The following SIMC1 variants were observed in gnomAD, a reference collection of about 807,000 sequenced individuals.
The protein encoded by SIMC1 is SUMO interacting motifs containing 1.
SIMC1 carries 55 observed loss-of-function variants against 82.3 expected under a neutral mutation model. The ratio of observed to expected loss-of-function variants is 0.67; its 90% CI spans 0.54 to 0.84. The LOEUF is 0.84. Among genes scored for constraint, SIMC1 ranks in the 40% least tolerant of loss-of-function variants. The pLI, the probability that SIMC1 is intolerant of heterozygous loss-of-function variation, is 0.00. For missense variants in SIMC1, 915 were observed against 1,107.2 expected (o/e 0.83, Z 2.46); for synonymous variants, 353 against 426.3 (o/e 0.83, Z 2.12).
chr5:176,309,907 C>T (rs969482153), intron 4 of SIMC1, among the ~76,000 whole-genome samples: 1 of 152,108 alleles, frequency 6.6e-6, no homozygotes, highest in African/African-American at 2.4e-5. Context: ...CACACTCCAA[C>T]CTGTGTAACA....
chr5:176,314,595 A>G (rs535589717), intron 5 of SIMC1, among the ~76,000 whole-genome samples: 48 of 152,346 alleles, frequency 3.2e-4, no homozygotes, highest in African/African-American at 1.1e-3. Flanking sequence ...AGTAAGGTAC[A>G]TTAGATAGTA....
intron 5 of SIMC1, among the ~76,000 whole-genome samples, chr5:176,318,472 G>A (rs1765011530): frequency 6.6e-6 from 1 of 152,092 alleles, no homozygotes; most frequent in African/African-American, 2.4e-5. Flanking sequence ...AGAATGTTTT[G>A]ATCTCCTTCA....
intron 1 of SIMC1, among the ~76,000 whole-genome samples, chr5:176,288,158 A>G (rs1433307174): frequency 2.6e-5 from 4 of 152,244 alleles, no homozygotes; most frequent in African/African-American, 9.6e-5. Context: ...CTGTAATCCC[A>G]GCACTTTGGG....
intron 4 of SIMC1, chr5:176,308,736 G>A (rs989599564): frequency 2.5e-5 from 36 of 1,429,146 alleles, no homozygotes; most frequent in Non-Finnish European, 3.0e-5. Context: ...TGTCACTATC[G>A]GGAAAGCGTG....
chr5:176,258,454 C>T (rs1318399663), intron 1 of SIMC1, among the ~76,000 whole-genome samples: 1 of 150,348 alleles, frequency 6.7e-6, no homozygotes, highest in Non-Finnish European at 1.5e-5. Context: ...TCCAAGGGAA[C>T]ATCAGGTGGG....
chr5:176,311,197 T>G (rs1764649613), intron 4 of SIMC1, among the ~76,000 whole-genome samples: 1 of 152,168 alleles, frequency 6.6e-6, no homozygotes. Context: ...GAATTGTACT[T>G]TTAAAATGGC....
At position 176,337,109 on chromosome 5, in the gene SIMC1, G is replaced by A. The variant is rs148278506; in HGVS notation, c.2376G>A (p.Leu792=). 107 of 1,614,008 alleles carry A rather than the reference G, an allele frequency of 6.6e-5. No individual in the cohort carries two copies. In the African/African-American group the frequency reaches 1.1e-3, roughly 16 times the overall value. The change falls in exon 9 of 10, where the codon CTG becomes CTA. Residue 792 remains leucine (L), a synonymous_variant. Coordinates refer to ENST00000429602, the MANE Select transcript of SIMC1 (RefSeq NM_001308195.2). ...CTTGGGACGAATTGGTTGAGCATCT[G>A]CAGTTTCTGCTGTCCAGTTATCAAC... is the stretch of plus-strand genomic sequence containing the variant. The part of the protein sequence containing the change: ...WQTWDELVEH[L]QFLLSSYQHV...
At chr5:176,307,169 G>T (rs1226821533) in intron 4 of SIMC1, among the ~76,000 whole-genome samples, 1 of 152,186 alleles carries the variant, frequency 6.6e-6, no homozygotes, top group Non-Finnish European at 1.5e-5. Flanking sequence ...GTGTGGGCAA[G>T]AATTTGGAGA....
At chr5:176,303,510 G>T (rs964386385) in intron 4 of SIMC1, among the ~76,000 whole-genome samples, 9 of 151,618 alleles carry the variant, frequency 5.9e-5, no homozygotes, top group African/African-American at 1.5e-4. Flanking sequence ...TAATAGAGAC[G>T]GGTTTCTCCA....
chr5:176,241,671 C>G (rs1248746771), intron 1 of SIMC1, among the ~76,000 whole-genome samples: 1 of 151,770 alleles, frequency 6.6e-6, no homozygotes, highest in Admixed American at 6.6e-5. Context: ...CAGTGGCCTA[C>G]TGTTGACTGG....
intron 1 of SIMC1, among the ~76,000 whole-genome samples, chr5:176,257,102 G>A (rs1761871869): frequency 6.6e-6 from 1 of 151,916 alleles, no homozygotes; most frequent in African/African-American, 2.4e-5. Flanking sequence ...TTGTGTTTCT[G>A]GGTTTTCCAT....
At chr5:176,320,843 G>A (rs1278987817) in intron 5 of SIMC1, among the ~76,000 whole-genome samples, 1 of 152,000 alleles carries the variant, frequency 6.6e-6, no homozygotes, top group African/African-American at 2.4e-5. Context: ...CAATTAAAAT[G>A]TATTCCTTTG....
chr5:176,291,610 A>T (rs915192302), intron 2 of SIMC1, among the ~76,000 whole-genome samples: 2 of 151,646 alleles, frequency 1.3e-5, no homozygotes, highest in Non-Finnish European at 2.9e-5. Flanking sequence ...TGCTAGGATT[A>T]CAGGCGTGAG....
Position 176,336,848 on chromosome 5 carries a change from A to T in SIMC1, c.2300A>T (p.Asn767Ile). The T allele has an allele frequency of 6.2e-7, 1 of 1,613,992 alleles. No homozygotes were observed. Among genetic ancestry groups the T allele is most frequent in the Non-Finnish European group, 8.5e-7 (1 of 1,179,900 alleles). Reference sequence around the variant, plus strand: ...CTGGCCCAGGCCCTCTACTTTCTGAATAATTCTACGTCACTGCTCAAGTGT... The same window carrying T: ...CTGGCCCAGGCCCTCTACTTTCTGATTAATTCTACGTCACTGCTCAAGTGT... ...LSLAQALYFLNNSTSLLKCQS... is the reference protein window; with the variant it reads ...LSLAQALYFLINSTSLLKCQS... Residue 767 changes from asparagine (N) to isoleucine (I), a missense_variant, in exon 8 of 10, where the codon AAT becomes ATT. This residue lies in a region of SIMC1 where 902 missense variants were observed against 1,040.3 expected (regional missense o/e 0.87). Transcript: ENST00000429602.
chr5:176,292,240 G>C (rs1341681059), intron 2 of SIMC1, among the ~76,000 whole-genome samples: 1 of 152,050 alleles, frequency 6.6e-6, no homozygotes, highest in Non-Finnish European at 1.5e-5. Context: ...CTTTCCATTG[G>C]TCATCATTGA....
At chr5:176,246,445 TG>T in intron 1 of SIMC1, among the ~76,000 whole-genome samples, 1 of 148,768 alleles carries the variant, frequency 6.7e-6, no homozygotes, top group East Asian at 2.0e-4. Flanking sequence ...TGTGTGTGTG[TG>T]TGTTGTTTGT....
At chr5:176,265,101 A>G (rs1762149687) in intron 1 of SIMC1, among the ~76,000 whole-genome samples, 1 of 152,206 alleles carries the variant, frequency 6.6e-6, no homozygotes, top group African/African-American at 2.4e-5. Context: ...TTGTCTATGC[A>G]GAAGATCTCA....
At chr5:176,297,250 C>T (rs1433571738) in intron 4 of SIMC1, among the ~76,000 whole-genome samples, 1 of 152,188 alleles carries the variant, frequency 6.6e-6, no homozygotes, top group Non-Finnish European at 1.5e-5. Flanking sequence ...CCTGTAATCC[C>T]AGCACTTTGG....
At chr5:176,277,662 CAT>C (rs1434279512) in intron 1 of SIMC1, among the ~76,000 whole-genome samples, 2 of 152,080 alleles carry the variant, frequency 1.3e-5, no homozygotes, top group Non-Finnish European at 2.9e-5. Flanking sequence ...CAGCTTTCTA[CAT>C]ATGGCTAGCC....
Sources: gnomAD v4.1 joint callset for allele counts (sites outside exome capture counted in the v4.1 genomes callset) on GRCh38, gnomAD v4.1.1 for gene constraint, gnomAD v4.1.1 regional missense constraint, MANE v1.5 for transcripts, NCBI Gene and HGNC (gene_info 2026-07-23, HGNC 2026-07-21) for gene names.